ALG5: variants seen among roughly 807,000 people sequenced by gnomAD.
The protein encoded by ALG5 is ALG5 dolichyl-phosphate beta-glucosyltransferase.
ALG5 carries 26 observed loss-of-function variants against 51.8 expected under a neutral mutation model. The ratio of observed to expected loss-of-function variants is 0.50; its 90% CI spans 0.37 to 0.70. The LOEUF (loss-of-function observed/expected upper bound fraction) is 0.70. ALG5 is among the 30% of genes least tolerant of loss of function. ALG5 has a pLI of 0.00. For synonymous variants in ALG5, 141 were observed against 136.1 expected, an observed-to-expected ratio of 1.04 and a Z score of -0.25; for missense variants, 311 against 399.3, an observed-to-expected ratio of 0.78 and a Z score of 1.88.
chr13:36,996,067 T>C (rs1413762626), intron 1 of ALG5, among the ~76,000 whole-genome samples: 1 of 152,166 alleles, frequency 6.6e-6, no homozygotes, highest in African/African-American at 2.4e-5. Flanking sequence ...ACACTTTCCA[T>C]CCAGGACCAG....
At chr13:36,951,389 T>A (rs941316886) in intron 9 of ALG5, among the ~76,000 whole-genome samples, 12 of 152,346 alleles carry the variant, frequency 7.9e-5, no homozygotes, top group Non-Finnish European at 1.3e-4. Flanking sequence ...GTAAAGAGGT[T>A]TGAATTCATC....
chr13:36,952,412 G>A (rs1566055550), intron 9 of ALG5, 102 bp downstream of exon 9: 1 of 758,010 alleles, frequency 1.3e-6, no homozygotes, highest in Non-Finnish European at 2.2e-6. Context: ...CAGCTGAGAA[G>A]GGCTTGATGA....
intron 6 of ALG5, 44 bp from the exon 7 acceptor site, chr13:36,972,080 C>T (rs981652371): frequency 1.2e-5 from 16 of 1,354,668 alleles, no homozygotes; most frequent in Non-Finnish European, 1.6e-5. Flanking sequence ...TTAAATATCA[C>T]TAATAAAAAT....
At chr13:36,963,630 A>G (rs2058878403) in intron 8 of ALG5, among the ~76,000 whole-genome samples, 2 of 152,218 alleles carry the variant, frequency 1.3e-5, no homozygotes, top group African/African-American at 4.8e-5. Flanking sequence ...ATAAAAACAC[A>G]TATCTAAATT....
intron 4 of ALG5, among the ~76,000 whole-genome samples, chr13:36,990,896 T>C (rs1356420059): frequency 6.6e-6 from 1 of 152,224 alleles, no homozygotes; most frequent in Non-Finnish European, 1.5e-5. Context: ...TTCAGGGCCT[T>C]ATCCCCTAAA....
At chr13:36,957,747 G>A (rs936888366) in intron 8 of ALG5, among the ~76,000 whole-genome samples, 4 of 151,958 alleles carry the variant, frequency 2.6e-5, no homozygotes, top group African/African-American at 7.3e-5. Context: ...ACCAAGAGAC[G>A]GCCAAGTTAG....
intron 7 of ALG5, 127 bp from the exon 8 acceptor site, chr13:36,965,853 C>G: frequency 1.3e-6 from 1 of 753,762 alleles, no homozygotes. Flanking sequence ...AAGAACACCA[C>G]TGTTCCATGA....
intron 8 of ALG5, among the ~76,000 whole-genome samples, chr13:36,959,265 G>GT (rs1004340091): frequency 4.0e-5 from 6 of 150,760 alleles, no homozygotes; most frequent in East Asian, 1.9e-4. Flanking sequence ...GGGGAATAAG[G>GT]TTTTTTTTTG....
rs201593403 is a variant in ALG5 at position 36,949,997 on chromosome 13, C to T, written c.920G>A (p.Arg307Gln). The T allele has an allele frequency of 1.8e-4, 286 of 1,613,134 alleles. 1 individual carries two copies. Among genetic ancestry groups the T allele is most frequent in the Non-Finnish European group, 2.1e-4 (242 of 1,179,788 alleles). The change falls in exon 10 of 10, where the codon CGA becomes CAA. Residue 307 changes from arginine to glutamine, a missense_variant. Transcript: ENST00000239891. Reference sequence around the variant, plus strand: ...CCAGGCACCAGTCAAATATCGAAGTCGTATAAAAAGTAGGTCTTTACCCAT... The same window carrying T: ...CCAGGCACCAGTCAAATATCGAAGTTGTATAAAAAGTAGGTCTTTACCCAT... ...LQMGKDLLFI[R>Q]LRYLTGAWRL...
intron 6 of ALG5, among the ~76,000 whole-genome samples, chr13:36,980,295 C>T (rs541533057): frequency 8.7e-4 from 133 of 152,120 alleles, no homozygotes; most frequent in African/African-American, 3.0e-3. Flanking sequence ...AGTGCAGTGG[C>T]GCAGTCCCGA....
chr13:36,974,411 T>G (rs1435849417), intron 6 of ALG5, among the ~76,000 whole-genome samples: 1 of 152,174 alleles, frequency 6.6e-6, no homozygotes, highest in Non-Finnish European at 1.5e-5. Flanking sequence ...AAATGATAAT[T>G]AAAGAGAAAA....
intron 4 of ALG5, among the ~76,000 whole-genome samples, chr13:36,993,044 C>T (rs1401437731): frequency 1.3e-5 from 2 of 152,152 alleles, no homozygotes; most frequent in East Asian, 3.9e-4. Flanking sequence ...GTCTAGGCTA[C>T]CTCTATAATC....
intron 7 of ALG5, 24 bp downstream of exon 7, chr13:36,971,953 C>G: frequency 6.3e-7 from 1 of 1,581,430 alleles, no homozygotes; most frequent in Admixed American, 1.7e-5. Context: ...ATTGGCTGTC[C>G]CATGCCAATT....
Position 36,969,786 on chromosome 13 carries a change from C to T in ALG5, c.621+2191G>A, listed in dbSNP as rs541669661. Among the ~76,000 whole-genome samples the T allele has an allele frequency of 5.9e-5, 9 of 152,182 alleles. No homozygotes were observed. In the South Asian group the frequency reaches 6.2e-4, roughly 11 times the overall value. Reference sequence around the variant, plus strand: ...CTGACCTCAGGTGATCCGCCTGCCTCGGCCTCTCAAAGTGCTGGGATTACA... The same window carrying T: ...CTGACCTCAGGTGATCCGCCTGCCTTGGCCTCTCAAAGTGCTGGGATTACA... On this transcript the variant is annotated intron_variant, in intron 7 of 9. Transcript: ENST00000239891.
rs1316000583 is a variant in ALG5 at position 36,960,235 on chromosome 13, A to C, written c.773+5340T>G. On this transcript the variant is annotated intron_variant, in intron 8 of 9. Transcript: ENST00000239891. The stretch of plus-strand genomic sequence containing the variant: ...TGGAGGGTATACAGAACTTTAAGAG[A>C]ACTTTAGTTCTTAGCATCGATTTCC... Among the ~76,000 whole-genome samples, 10 of 152,194 alleles carry C rather than the reference A, an allele frequency of 6.6e-5. 1 individual carries two copies. The highest frequency in any genetic ancestry group is 6.5e-4 in the Admixed American group (10 of 15,278).
chr13:36,979,501 C>T (rs780775070), intron 6 of ALG5, among the ~76,000 whole-genome samples: 1 of 152,106 alleles, frequency 6.6e-6, no homozygotes. Context: ...AGGAACCAAA[C>T]CATGCACGCA....
chr13:36,952,479 A>G (rs373784835), intron 9 of ALG5, 35 bp downstream of exon 9: 5 of 1,456,518 alleles, frequency 3.4e-6, no homozygotes, highest in Non-Finnish European at 4.7e-6. Flanking sequence ...GTATTATCTG[A>G]CTCAAGACAA....
At chr13:36,992,700 T>A (rs1257984301) in intron 4 of ALG5, among the ~76,000 whole-genome samples, 1 of 152,204 alleles carries the variant, frequency 6.6e-6, no homozygotes, top group Non-Finnish European at 1.5e-5. Flanking sequence ...TCTTGTACTA[T>A]ACCTTGTGCC....
chr13:36,973,095 A>C (rs2138802694), intron 6 of ALG5, among the ~76,000 whole-genome samples: 1 of 150,760 alleles, frequency 6.6e-6, no homozygotes, highest in East Asian at 1.9e-4. Context: ...TTTCCATCAA[A>C]AAAAAAAAAA....
Sources: gnomAD v4.1 joint callset for allele counts (sites outside exome capture counted in the v4.1 genomes callset) on GRCh38, gnomAD v4.1.1 for gene constraint, MANE v1.5 for transcripts, NCBI Gene and HGNC (gene_info 2026-07-23, HGNC 2026-07-21) for gene names.